Variants in ARHGAP15 observed in about 807,000 individuals in gnomAD.
The protein encoded by ARHGAP15 is rho GTPase-activating protein 15.
In ARHGAP15, 51 loss-of-function variants were observed where a neutral mutation model predicts 63.7. The observed-to-expected ratio is 0.80, with a 90% CI of 0.64 to 1.01. The LOEUF (loss-of-function observed/expected upper bound fraction) is 1.01, where lower values mean the gene tolerates loss of function less well. Among genes scored for constraint, ARHGAP15 ranks in the 50% least tolerant of loss-of-function variants. ARHGAP15 has a pLI of 0.00. For synonymous variants in ARHGAP15, 191 were observed against 193.8 expected, an observed-to-expected ratio of 0.99 and a Z score of 0.12; for missense variants, 560 against 564.6, an observed-to-expected ratio of 0.99 and a Z score of 0.08.
rs994431837 is a variant in ARHGAP15 at position 143,477,865 on chromosome 2, G to T, written c.704-9508G>T. ...AACCAGGAACAAAACAAGCCTCTGA[G>T]CTCTGGGGTTGGGCATAGAGAAGAA... is the stretch of plus-strand genomic sequence containing the variant. On this transcript the variant is annotated intron_variant, in intron 8 of 13. Transcript: ENST00000295095. Among the ~76,000 whole-genome samples, 10 of 152,250 alleles carry T rather than the reference G, an allele frequency of 6.6e-5. 1 individual carries two copies. The highest frequency in any genetic ancestry group is 2.2e-4 in the African/African-American group (9 of 41,468).
intron 6 of ARHGAP15, among the ~76,000 whole-genome samples, chr2:143,292,085 CA>C (rs1293779240): frequency 6.8e-6 from 1 of 146,194 alleles, no homozygotes; most frequent in African/African-American, 2.5e-5. Context: ...ATATTAATAA[CA>C]ATGAGTATAA....
chr2:143,598,542 T>A lies in ARHGAP15; in HGVS notation c.1004-25591T>A, dbSNP rs543170692. Among the ~76,000 whole-genome samples, 6 of 152,284 alleles carry A rather than the reference T, an allele frequency of 3.9e-5. No homozygotes were observed. In the South Asian group the frequency reaches 6.2e-4, roughly 16 times the overall value. On this transcript the variant is annotated intron_variant, in intron 11 of 13. Transcript: ENST00000295095. ...CCACCCAATAGGGCTAGCCACCCAA[T>A]AGGTATATAGCCACATTATACCTTA...
At chr2:143,595,222 T>C (rs1487150346) in intron 11 of ARHGAP15, among the ~76,000 whole-genome samples, 1 of 152,134 alleles carries the variant, frequency 6.6e-6, no homozygotes, top group African/African-American at 2.4e-5. Context: ...GTGAACCGAT[T>C]TGACATTCAG....
rs1693088593 is a variant in ARHGAP15, at chr2:143,502,065, T to C, written c.826+14570T>C. On this transcript the variant is annotated intron_variant, in intron 9 of 13. Transcript: ENST00000295095. The stretch of plus-strand genomic sequence containing the variant: ...AAGTAAACAGTCCATTGGAAAATGT[T>C]TGGGGACACAAGACATGGGATCTGA... 3.3e-5 allele frequency among the ~76,000 whole-genome samples: 5 copies of C among 152,198 alleles called. No homozygotes were observed. The South Asian group carries it at 1.0e-3, about 32-fold the overall frequency.
At chr2:143,596,206 T>C (rs544804360) in intron 11 of ARHGAP15, among the ~76,000 whole-genome samples, 9 of 152,266 alleles carry the variant, frequency 5.9e-5, no homozygotes, top group Middle Eastern at 3.4e-3. Context: ...TAACATGAAG[T>C]CCTTCTAGAC....
At chr2:143,471,365 A>G in intron 8 of ARHGAP15, among the ~76,000 whole-genome samples, 1 of 152,084 alleles carries the variant, frequency 6.6e-6, no homozygotes, top group East Asian at 1.9e-4. Context: ...AGTCTCTAGA[A>G]CTGAGACTAG....
intron 8 of ARHGAP15, among the ~76,000 whole-genome samples, chr2:143,485,238 C>T (rs1196451809): frequency 6.6e-6 from 1 of 152,098 alleles, no homozygotes; most frequent in Non-Finnish European, 1.5e-5. Context: ...GCTCTCCCTC[C>T]CCTTGCCCCC....
chr2:143,211,319 T>C (rs577652805), intron 3 of ARHGAP15, among the ~76,000 whole-genome samples: 185 of 125,492 alleles, frequency 1.5e-3, no homozygotes, highest in African/African-American at 5.3e-3. Flanking sequence ...GATATTTCTA[T>C]GAATAGTGGA....
intron 6 of ARHGAP15, among the ~76,000 whole-genome samples, chr2:143,254,867 TA>T (rs10547943): frequency 0.31 from 46,101 of 148,670 alleles, 7,791 homozygotes; most frequent in African/African-American, 0.47. Context: ...TCACTCCTAT[TA>T]AAAAAAAAAA....
At chr2:143,216,038 G>T (rs1692744903) in intron 3 of ARHGAP15, among the ~76,000 whole-genome samples, 1 of 152,146 alleles carries the variant, frequency 6.6e-6, no homozygotes, top group African/African-American at 2.4e-5. Flanking sequence ...CTTTTCTAAG[G>T]ATACTTGGTA....
intron 5 of ARHGAP15, among the ~76,000 whole-genome samples, chr2:143,243,559 A>G (rs1215907885): frequency 6.6e-6 from 1 of 152,182 alleles, no homozygotes; most frequent in Non-Finnish European, 1.5e-5. Context: ...ATGATGTAGA[A>G]TATGATCCAT....
chr2:143,310,710 A>G (rs17814868), intron 6 of ARHGAP15, among the ~76,000 whole-genome samples: 26,532 of 151,926 alleles, frequency 0.17, 3,043 homozygotes, highest in Non-Finnish European at 0.26. Context: ...TACTTTATTT[A>G]CTTTCTGACA....
At chr2:143,719,005 G>A (rs747995216) in intron 13 of ARHGAP15, among the ~76,000 whole-genome samples, 13 of 152,086 alleles carry the variant, frequency 8.5e-5, no homozygotes, top group Non-Finnish European at 1.9e-4. Context: ...TTTTTAACAG[G>A]CATTAAGTCA....
Position 143,164,447 on chromosome 2 carries a change from G to T in ARHGAP15, c.165+8792G>T, listed in dbSNP as rs59681644. Reference sequence around the variant, plus strand: ...ATGAAATCTCATATGCTTCTCCTTTGAGGTGATGGATTTTTATGATTCCTA... The same window carrying T: ...ATGAAATCTCATATGCTTCTCCTTTTAGGTGATGGATTTTTATGATTCCTA... On this transcript the variant is annotated intron_variant, in intron 2 of 13. Transcript: ENST00000295095. Among the ~76,000 whole-genome samples, 806 of 152,082 alleles carry T rather than the reference G, an allele frequency of 5.3e-3. 5 individuals are homozygous for T. Among genetic ancestry groups the T allele is most frequent in the African/African-American group, 0.018 (747 of 41,504 alleles).
intron 6 of ARHGAP15, among the ~76,000 whole-genome samples, chr2:143,407,045 G>A (rs1688227322): frequency 6.6e-6 from 1 of 151,864 alleles, no homozygotes; most frequent in Non-Finnish European, 1.5e-5. Context: ...TTCCTACATG[G>A]AGGAAAAAAA....
chr2:143,242,315 T>A (rs1693894830), intron 5 of ARHGAP15, among the ~76,000 whole-genome samples: 1 of 152,222 alleles, frequency 6.6e-6, no homozygotes, highest in South Asian at 2.1e-4. Context: ...CAGGGACAGC[T>A]GAGGTTGACT....
chr2:143,587,962 T>C (rs529544857), intron 11 of ARHGAP15: 39 of 202,574 alleles, frequency 1.9e-4, no homozygotes, highest in Non-Finnish European at 3.7e-4. Flanking sequence ...TCACCTTCCT[T>C]AGAAGACGAT....
At chr2:143,137,005 T>G (rs1230028559) in intron 1 of ARHGAP15, among the ~76,000 whole-genome samples, 1 of 152,090 alleles carries the variant, frequency 6.6e-6, no homozygotes, top group Non-Finnish European at 1.5e-5. Flanking sequence ...ACAATAGTCA[T>G]TGTCCAAGGA....
rs115103727 is a variant in ARHGAP15, at chr2:143,179,654, G to A, written c.166-22480G>A. Among the ~76,000 whole-genome samples, 1,166 of 152,282 alleles carry A rather than the reference G, an allele frequency of 7.7e-3. 14 individuals carry two copies. Among genetic ancestry groups the A allele is most frequent in the African/African-American group, 0.026 (1,101 of 41,562 alleles). On this transcript the variant is annotated intron_variant, in intron 2 of 13. Transcript: ENST00000295095. ...TGTAATCCCAACACTTTGGGAGACT[G>A]AAGCAGGAGGATCACTTGAGCCTTG... is the stretch of plus-strand genomic sequence containing the variant.
Sources: allele counts gnomAD v4.1 joint callset (sites outside exome capture counted in the v4.1 genomes callset), GRCh38; gene constraint gnomAD v4.1.1; transcripts MANE v1.5; gene names NCBI Gene and HGNC (gene_info 2026-07-23, HGNC 2026-07-21).